Variants in PDE10A observed in about 807,000 individuals in gnomAD.
PDE10A encodes cAMP and cAMP-inhibited cGMP 3',5'-cyclic phosphodiesterase 10A.
Under a neutral mutation model 97.7 loss-of-function variants are expected in PDE10A, and 39 were observed. That is an observed-to-expected ratio of 0.40 (90% CI 0.31 to 0.52). The LOEUF is 0.52. PDE10A is among the 20% of genes least tolerant of loss of function. The pLI, the probability that PDE10A is intolerant of heterozygous loss-of-function variation, is 0.56. For missense variants in PDE10A, 731 were observed against 1,047.8 expected, an observed-to-expected ratio of 0.70 and a Z score of 4.17; for synonymous variants, 371 against 376.8, an observed-to-expected ratio of 0.98 and a Z score of 0.18.
chr6:165,480,926 C>T (rs750511518), intron 3 of PDE10A, among the ~76,000 whole-genome samples: 3 of 152,182 alleles, frequency 2.0e-5, no homozygotes, highest in Non-Finnish European at 4.4e-5. Flanking sequence ...AGGTTATCAG[C>T]TCATACCTTT....
chr6:165,555,856 C>A (rs1784225161), intron 1 of PDE10A, among the ~76,000 whole-genome samples: 1 of 152,016 alleles, frequency 6.6e-6, no homozygotes, highest in Non-Finnish European at 1.5e-5. Flanking sequence ...AAGGAACAAG[C>A]CAGAGGAATG....
chr6:165,553,054 A>G (rs1454956731), intron 1 of PDE10A, among the ~76,000 whole-genome samples: 2 of 152,082 alleles, frequency 1.3e-5, no homozygotes, highest in African/African-American at 4.8e-5. Flanking sequence ...CCTACATGAG[A>G]TTCTTTTCTT....
chr6:165,600,430 T>C (rs903391668), intron 1 of PDE10A, among the ~76,000 whole-genome samples: 4 of 152,352 alleles, frequency 2.6e-5, no homozygotes, highest in African/African-American at 9.6e-5. Flanking sequence ...TTGAGGACGC[T>C]TGCTTCTTTC....
At chr6:165,582,907 C>G (rs1034521737) in intron 1 of PDE10A, among the ~76,000 whole-genome samples, 3 of 152,148 alleles carry the variant, frequency 2.0e-5, no homozygotes, top group African/African-American at 7.2e-5. Flanking sequence ...AGTATGTTTT[C>G]CTGTGTGTCT....
At chr6:165,862,237 CTCCAGTTACCTTGTAAA>C (rs1480010992) in intron 1 of PDE10A, among the ~76,000 whole-genome samples, 1 of 152,186 alleles carries the variant, frequency 6.6e-6, no homozygotes, top group Non-Finnish European at 1.5e-5. Context: ...GGTGATTTTC[CTCCAGTTACCTTGTAAA>C]TATGTTGTAA....
chr6:165,905,947 CTTCT>C (rs775332703), intron 1 of PDE10A, among the ~76,000 whole-genome samples: 2 of 149,386 alleles, frequency 1.3e-5, no homozygotes, highest in Non-Finnish European at 3.0e-5. Context: ...AATTTTTTTC[CTTCT>C]TTCTTTGTTC....
chr6:165,839,286 G>A (rs1429317546), intron 1 of PDE10A, among the ~76,000 whole-genome samples: 2 of 152,128 alleles, frequency 1.3e-5, no homozygotes, highest in Admixed American at 1.3e-4. Flanking sequence ...CACTACAGCT[G>A]CACAATAAAT....
intron 1 of PDE10A, among the ~76,000 whole-genome samples, chr6:165,801,525 A>G (rs1251222275): frequency 6.6e-6 from 1 of 152,226 alleles, no homozygotes; most frequent in African/African-American, 2.4e-5. Flanking sequence ...AGCCTGGGTG[A>G]CAGCATGAGA....
chr6:165,540,162 T>TG (rs1783344888), intron 2 of PDE10A, among the ~76,000 whole-genome samples: 1 of 152,288 alleles, frequency 6.6e-6, no homozygotes, highest in Admixed American at 6.5e-5. Context: ...GCCTTCAAAT[T>TG]GATCTCATAG....
intron 2 of PDE10A, among the ~76,000 whole-genome samples, chr6:165,507,290 C>T (rs1290728318): frequency 1.3e-5 from 2 of 151,996 alleles, no homozygotes; most frequent in African/African-American, 4.8e-5. Context: ...GCTAGAGTTC[C>T]GTTTGGAGTA....
intron 13 of PDE10A, among the ~76,000 whole-genome samples, chr6:165,412,582 C>T (rs1229758856): frequency 6.6e-6 from 1 of 152,076 alleles, no homozygotes; most frequent in Non-Finnish European, 1.5e-5. Context: ...ACCAGGAATG[C>T]GTGAGGAGAG....
intron 1 of PDE10A, among the ~76,000 whole-genome samples, chr6:165,656,457 G>A (rs73253405): frequency 0.023 from 3,438 of 151,620 alleles, 126 homozygotes; most frequent in African/African-American, 0.079. Context: ...CTCGTGTGCC[G>A]AGGACTCTGC....
At chr6:165,737,627 T>C (rs201738425) in intron 1 of PDE10A, among the ~76,000 whole-genome samples, 1 of 152,238 alleles carries the variant, frequency 6.6e-6, no homozygotes, top group East Asian at 1.9e-4. Context: ...ACAATCTTCA[T>C]GATAAAAGCT....
intron 1 of PDE10A, among the ~76,000 whole-genome samples, chr6:165,747,129 CA>C (rs1792861174): frequency 6.6e-6 from 1 of 152,022 alleles, no homozygotes; most frequent in Non-Finnish European, 1.5e-5. Flanking sequence ...AAGAAAAGTC[CA>C]AAACTACAAC....
chr6:165,790,613 C>A (rs1015105211), intron 1 of PDE10A, among the ~76,000 whole-genome samples: 11 of 152,018 alleles, frequency 7.2e-5, no homozygotes, highest in African/African-American at 2.4e-4. Context: ...TGACACTGGA[C>A]GGTTTATCAG....
chr6:165,857,162 G>A (rs1780759350), intron 1 of PDE10A, among the ~76,000 whole-genome samples: 1 of 152,140 alleles, frequency 6.6e-6, no homozygotes, highest in South Asian at 2.1e-4. Context: ...AGAATGCTTA[G>A]CATCTGAAAG....
At chr6:165,804,954 A>G (rs112859373) in intron 1 of PDE10A, among the ~76,000 whole-genome samples, 6 of 85,624 alleles carry the variant, frequency 7.0e-5, no homozygotes, top group East Asian at 3.3e-4. Flanking sequence ...GAGCATGGAG[A>G]GACGTGGGGG....
At chr6:165,685,616 T>C (rs575250582) in intron 1 of PDE10A, among the ~76,000 whole-genome samples, 1 of 152,232 alleles carries the variant, frequency 6.6e-6, no homozygotes, top group African/African-American at 2.4e-5. Context: ...AGCTTCTCCA[T>C]CACAGCCCAC....
intron 1 of PDE10A, among the ~76,000 whole-genome samples, chr6:165,590,021 A>AT (rs1229057926): frequency 3.3e-5 from 5 of 152,238 alleles, no homozygotes; most frequent in Non-Finnish European, 5.9e-5. Flanking sequence ...ACAAATTGAG[A>AT]TAAAAAGTAC....
Sources: allele counts gnomAD v4.1 joint callset (sites outside exome capture counted in the v4.1 genomes callset), GRCh38; gene constraint gnomAD v4.1.1; transcripts MANE v1.5; gene names NCBI Gene and HGNC (gene_info 2026-07-23, HGNC 2026-07-21).